Variants in AFDN observed in about 807,000 individuals in gnomAD.
AFDN encodes the protein afadin, adherens junction formation factor, also known as afadin.
Under a neutral mutation model 216.6 loss-of-function variants are expected in AFDN, and 68 were observed. The observed-to-expected ratio is 0.31, with a 90% CI of 0.26 to 0.38. The LOEUF is 0.38. Among genes scored for constraint, AFDN ranks in the 10% least tolerant of loss-of-function variants. AFDN has a pLI of 1.00. For missense variants in AFDN, 2,136 were observed against 2,342.0 expected, an observed-to-expected ratio of 0.91 and a Z score of 1.82; for synonymous variants, 868 against 853.7, an observed-to-expected ratio of 1.02 and a Z score of -0.29.
chr6:167,966,099 C>T (rs1305246398), intron 32 of AFDN, 54 bp downstream of exon 32: 17 of 1,536,788 alleles, frequency 1.1e-5, no homozygotes, highest in Admixed American at 2.0e-5. Context: ...TCTTCCTGCC[C>T]CTCTTAAACC....
chr6:167,835,750 T>C (rs926020123), intron 1 of AFDN, among the ~76,000 whole-genome samples: 2 of 152,212 alleles, frequency 1.3e-5, no homozygotes, highest in African/African-American at 4.8e-5. Context: ...GAAAGGCTAA[T>C]ACTGTCAAAA....
rs769739776 is a variant in AFDN, at chr6:167,951,703, A to G, written c.4349A>G (p.Gln1450Arg). Residue 1450 changes from glutamine to arginine, a missense_variant, in exon 30 of 34, where the codon CAG becomes CGG. Transcript: ENST00000683244. The surrounding 1 kb of genome is among the most constrained non-coding windows in gnomAD (Gnocchi z 7.1). ...AGAGAGCAGGAGAGGAAGTTGGGCC[A>G]GATGCGCACTCAGTCCTTAAACCCT... ...KRREQERKLGQMRTQSLNPAP... is the reference protein window; with the variant it reads ...KRREQERKLGRMRTQSLNPAP... The G allele has an allele frequency of 5.6e-6, 9 of 1,614,088 alleles. No homozygotes were observed. The highest frequency in any genetic ancestry group is 7.6e-6 in the Non-Finnish European group (9 of 1,179,990).
At position 167,962,334 on chromosome 6, in the gene AFDN, GTGTT is replaced by G. The variant is rs1797114344; in HGVS notation, c.4834-95_4834-92del. 1 of 1,482,620 alleles carries G rather than the reference GTGTT, an allele frequency of 6.7e-7. No homozygotes were observed. The highest frequency in any genetic ancestry group is 9.1e-7 in the Non-Finnish European group (1 of 1,093,928). 91.8% of individuals were successfully genotyped at this position (1,482,620 alleles called of 1,614,324 possible). A position where few individuals can be genotyped will look rare whatever the true frequency, so the allele number is the denominator to read the frequency against. ...TTTATATTTAACTTTCTGTGTGTGTGTGTTTGTGTATATGTGTGTCTACTTGTCT... is the reference window on the plus strand; with the variant it reads ...TTTATATTTAACTTTCTGTGTGTGTGTGTGTATATGTGTGTCTACTTGTCT... On this transcript the variant is annotated intron_variant, in intron 30 of 33. Coordinates refer to ENST00000683244, the MANE Select transcript of AFDN (RefSeq NM_001386888.1). This position sits in a 1 kb window ranked among gnomAD's most constrained non-coding sequence, Gnocchi z 5.2.
intron 21 of AFDN, among the ~76,000 whole-genome samples, chr6:167,920,643 CAT>C (rs1227544391): frequency 6.6e-6 from 1 of 152,324 alleles, no homozygotes; most frequent in African/African-American, 2.4e-5. Flanking sequence ...CTTCCTCTGT[CAT>C]GTGTGGGATT....
At chr6:167,924,329 T>C (rs1792218894) in intron 22 of AFDN, among the ~76,000 whole-genome samples, 1 of 152,242 alleles carries the variant, frequency 6.6e-6, no homozygotes, top group South Asian at 2.1e-4. Context: ...GAGTGACATG[T>C]ATAGAATACG....
intron 22 of AFDN, 134 bp from the exon 23 acceptor site, chr6:167,924,871 T>A (rs2128514051): frequency 1.3e-6 from 1 of 757,912 alleles, no homozygotes; most frequent in East Asian, 2.5e-5. Flanking sequence ...AAATTTTTTT[T>A]ACTGTTTATC....
In AFDN at chr6:167,913,423, G is replaced by A; in HGVS notation, c.2058G>A (p.Gln686=). ...TCCAGGAAGTAGACCAGGTTGACCA[G>A]GTAGGACATCTGCTGGGAGCTGATC... is the stretch of plus-strand genomic sequence containing the variant. ...GVIQEVDQVD[Q]KQKNIAGALA... The change falls in exon 16 of 34, where the codon CAG becomes CAA. Residue 686 remains glutamine (Q), a splice_region_variant and synonymous_variant. Transcript: ENST00000683244. The A allele has an allele frequency of 6.5e-7, 1 of 1,535,934 alleles. No homozygotes were observed. The highest frequency in any genetic ancestry group is 8.7e-7 in the Non-Finnish European group (1 of 1,146,806).
At chr6:167,896,508 A>T (rs964349224) in intron 9 of AFDN, among the ~76,000 whole-genome samples, 4 of 152,204 alleles carry the variant, frequency 2.6e-5, no homozygotes, top group African/African-American at 9.7e-5. Flanking sequence ...TGCAGGAAAG[A>T]TCTGGTCCGA....
intron 17 of AFDN, 91 bp downstream of exon 17, chr6:167,914,404 T>C: frequency 6.7e-7 from 1 of 1,493,512 alleles, no homozygotes. Context: ...TTAAGATTTA[T>C]ATTTACCTTG....
Position 167,951,559 on chromosome 6 carries a change from A to G in AFDN, c.4205A>G (p.Asn1402Ser), listed in dbSNP as rs549349798. The G allele has an allele frequency of 3.8e-5, 61 of 1,613,834 alleles. 1 individual carries two copies. The highest frequency in any genetic ancestry group is 3.3e-4 in the Middle Eastern group (2 of 6,060). The change falls in exon 30 of 34, where the codon AAC (asparagine) becomes AGC (serine). Residue 1402 changes from asparagine to serine, a missense_variant. Coordinates refer to ENST00000683244, the MANE Select transcript of AFDN (RefSeq NM_001386888.1). The surrounding 1 kb of genome is among the most constrained non-coding windows in gnomAD (Gnocchi z 7.1). ...DLPLPPPPSA[N>S]QIGLPSAQVA... ...CCTCTCCCACCACCCCCTTCCGCCA[A>G]CCAGATAGGGCTGCCGTCTGCGCAG...
intron 1 of AFDN, among the ~76,000 whole-genome samples, chr6:167,864,155 C>T (rs1266671149): frequency 6.6e-6 from 1 of 152,082 alleles, no homozygotes; most frequent in African/African-American, 2.4e-5. Context: ...CATACCAGCT[C>T]GAGCACCGAA....
intron 1 of AFDN, among the ~76,000 whole-genome samples, chr6:167,840,667 GTACTA>G (rs1318213429): frequency 1.3e-5 from 2 of 152,214 alleles, no homozygotes; most frequent in African/African-American, 4.8e-5. Flanking sequence ...ACTGAGAAGA[GTACTA>G]TATGTGTGTC....
rs1779148976 is a variant in AFDN at position 167,827,002 on chromosome 6, G to A, written c.-131G>A. 1 of 205,934 alleles carries A rather than the reference G, an allele frequency of 4.9e-6. No individual in the cohort carries two copies. Among genetic ancestry groups the A allele is most frequent in the Non-Finnish European group, 8.3e-6 (1 of 120,192 alleles). 12.8% of individuals were successfully genotyped at this position (205,934 alleles called of 1,614,324 possible). A position where few individuals can be genotyped will look rare whatever the true frequency, so the allele number is the denominator to read the frequency against. Reference sequence around the variant, plus strand: ...TCGGAGGACGCGGCGCGGCCGCGGAGGCGGAGGCAGCCGCGGAGGCGGAGG... The same window carrying A: ...TCGGAGGACGCGGCGCGGCCGCGGAAGCGGAGGCAGCCGCGGAGGCGGAGG... On this transcript the variant is annotated 5_prime_UTR_variant, in exon 1 of 34. Coordinates refer to ENST00000683244, the MANE Select transcript of AFDN (RefSeq NM_001386888.1).
chr6:167,847,134 A>G (rs1236978995), intron 1 of AFDN, among the ~76,000 whole-genome samples: 4 of 152,172 alleles, frequency 2.6e-5, no homozygotes, highest in Admixed American at 2.6e-4. Context: ...ATGCTGACAC[A>G]TCCAGTCGTT....
chr6:167,920,018 G>A (rs560025552), intron 21 of AFDN, among the ~76,000 whole-genome samples: 1 of 152,292 alleles, frequency 6.6e-6, no homozygotes, highest in South Asian at 2.1e-4. Context: ...ATTTTACAAA[G>A]GCTGCTTCTT....
At position 167,951,549 on chromosome 6, in the gene AFDN, C is replaced by T. The variant is rs376409651; in HGVS notation, c.4195C>T (p.Pro1399Ser). ...MSMDLPLPPP[P>S]SANQIGLPSA... ...CATGGATTTGCCTCTCCCACCACCC[C>T]CTTCCGCCAACCAGATAGGGCTGCC... Residue 1399 changes from proline (P) to serine (S), a missense_variant, in exon 30 of 34, where the codon CCT becomes TCT. By Grantham distance (74) the Pro-to-Ser change is moderately conservative (BLOSUM62 -1). Coordinates refer to ENST00000683244, the MANE Select transcript of AFDN (RefSeq NM_001386888.1). This position sits in a 1 kb window ranked among gnomAD's most constrained non-coding sequence, Gnocchi z 7.1. 6.2e-7 allele frequency: 1 copy of T among 1,613,818 alleles called. No homozygotes were observed. Among genetic ancestry groups the T allele is most frequent in the Non-Finnish European group, 8.5e-7 (1 of 1,179,924 alleles).
chr6:167,841,185 A>C (rs186761681), intron 1 of AFDN, among the ~76,000 whole-genome samples: 1 of 152,216 alleles, frequency 6.6e-6, no homozygotes, highest in East Asian at 1.9e-4. Flanking sequence ...ACCAGAATCA[A>C]AAATGTCAGT....
chr6:167,964,547 G>A, intron 31 of AFDN: 2 of 1,065,738 alleles, frequency 1.9e-6, no homozygotes, highest in Non-Finnish European at 2.3e-6. Context: ...GGCAGTAATT[G>A]GGGCTGGCAT....
chr6:167,945,516 C>T (rs372569506), intron 26 of AFDN, among the ~76,000 whole-genome samples: 1 of 152,090 alleles, frequency 6.6e-6, no homozygotes, highest in East Asian at 1.9e-4. Context: ...TATTATATAC[C>T]GTGTATAATT....
Sources: gnomAD v4.1 joint callset for allele counts (sites outside exome capture counted in the v4.1 genomes callset) on GRCh38, gnomAD v4.1.1 for gene constraint, Gnocchi (gnomAD v3.1) non-coding constraint, MANE v1.5 for transcripts, NCBI Gene and HGNC (gene_info 2026-07-23, HGNC 2026-07-21) for gene names.